Variants in LDB2 observed in about 807,000 individuals in gnomAD.
LDB2 encodes LIM domain binding 2.
A neutral mutation model predicts 44.3 loss-of-function variants in LDB2; 12 were observed. The ratio of observed to expected loss-of-function variants is 0.27; its 90% CI spans 0.17 to 0.44. LDB2 has a LOEUF of 0.44. Ranked by LOEUF, LDB2 falls within the 20% of genes least tolerant of loss-of-function variation. The pLI, the probability that LDB2 is intolerant of heterozygous loss-of-function variation, is 1.00. For synonymous variants in LDB2, 164 were observed against 174.8 expected (o/e 0.94, Z 0.49); for missense variants, 344 against 473.5 (o/e 0.73, Z 2.54).
chr4:16,885,204 T>G (rs1189665735), intron 1 of LDB2, among the ~76,000 whole-genome samples: 16 of 146,922 alleles, frequency 1.1e-4, no homozygotes, highest in Non-Finnish European at 7.5e-5. Context: ...AATGTCGTGG[T>G]GCATGCCTGT....
chr4:16,545,128 C>G (rs557181092), intron 5 of LDB2, among the ~76,000 whole-genome samples: 3 of 151,840 alleles, frequency 2.0e-5, no homozygotes, highest in Non-Finnish European at 2.9e-5. Context: ...CCCTCCCTCC[C>G]GCTCCTTTTC....
chr4:16,610,661 G>GAA (rs376501468), intron 2 of LDB2, among the ~76,000 whole-genome samples: 71 of 135,970 alleles, frequency 5.2e-4, no homozygotes, highest in African/African-American at 1.8e-3. Context: ...CAAGAATAGC[G>GAA]AAAAAAAAAA....
At chr4:16,568,573 T>C (rs919042227) in intron 5 of LDB2, among the ~76,000 whole-genome samples, 1 of 152,252 alleles carries the variant, frequency 6.6e-6, no homozygotes, top group Non-Finnish European at 1.5e-5. Flanking sequence ...CTGTTCTTAA[T>C]TGCAAGCCAG....
chr4:16,751,384 C>A (rs1267069094), intron 2 of LDB2, among the ~76,000 whole-genome samples: 1 of 152,216 alleles, frequency 6.6e-6, no homozygotes. Flanking sequence ...TCCATTATCT[C>A]ATGCGATCAT....
chr4:16,774,652 T>C (rs1298097491), intron 1 of LDB2, among the ~76,000 whole-genome samples: 2 of 152,194 alleles, frequency 1.3e-5, no homozygotes, highest in East Asian at 3.8e-4. Flanking sequence ...TCAGAAAGGT[T>C]ACTTAATTTT....
chr4:16,503,703 GATGAAGA>G (rs1227856137), intron 7 of LDB2, among the ~76,000 whole-genome samples: 1 of 152,202 alleles, frequency 6.6e-6, no homozygotes, highest in East Asian at 1.9e-4. Flanking sequence ...ATAAAGGGAA[GATGAAGA>G]ACGCTAATTA....
chr4:16,638,826 A>T (rs1352636379), intron 2 of LDB2, among the ~76,000 whole-genome samples: 1 of 149,786 alleles, frequency 6.7e-6, no homozygotes, highest in African/African-American at 2.5e-5. Context: ...AGATTGATAC[A>T]CTAAGACAAG....
chr4:16,860,376 C>T lies in LDB2; in HGVS notation c.132+37978G>A, dbSNP rs537077215. ...ACACAGACACACACACATACACACACACCCACAAAGTGGTCCTGTATCAGA... is the reference window on the plus strand; with the variant it reads ...ACACAGACACACACACATACACACATACCCACAAAGTGGTCCTGTATCAGA... On this transcript the variant is annotated intron_variant, in intron 1 of 7. Coordinates refer to ENST00000304523, the MANE Select transcript of LDB2 (RefSeq NM_001290.5). Among the ~76,000 whole-genome samples, 10 of 152,322 alleles carry T rather than the reference C, an allele frequency of 6.6e-5. 1 individual carries two copies. In the South Asian group the frequency reaches 1.7e-3, roughly 25 times the overall value.
intron 1 of LDB2, among the ~76,000 whole-genome samples, chr4:16,775,708 C>T (rs1771740184): frequency 6.6e-6 from 1 of 152,126 alleles, no homozygotes; most frequent in African/African-American, 2.4e-5. Context: ...GGATTAAAAA[C>T]AGCATGCCCT....
rs1237663799 is a variant in LDB2, at chr4:16,742,091, T to C, written c.235+17067A>G. 1.7e-4 allele frequency among the ~76,000 whole-genome samples: 24 copies of C among 140,038 alleles called. No individual in the cohort carries two copies. In the East Asian group the frequency reaches 2.1e-3, roughly 12 times the overall value. The allele number at this position is 140,038 out of a possible 152,430, so 91.9% of individuals were successfully genotyped here. The stretch of plus-strand genomic sequence containing the variant: ...TTTCTTTTCTTTTTTTTTTTTTTTT[T>C]TGAGAGTGTCTCACTCTGTTGCCAG... On this transcript the variant is annotated intron_variant, in intron 2 of 7. Transcript: ENST00000304523.
At chr4:16,655,896 CTTT>C (rs747097456) in intron 2 of LDB2, among the ~76,000 whole-genome samples, 10 of 93,316 alleles carry the variant, frequency 1.1e-4, no homozygotes, top group East Asian at 5.8e-4. Context: ...TGCAAGAAAA[CTTT>C]TTTTTTTTTT....
At chr4:16,764,228 C>A (rs951889752) in intron 1 of LDB2, among the ~76,000 whole-genome samples, 1 of 152,122 alleles carries the variant, frequency 6.6e-6, no homozygotes, top group African/African-American at 2.4e-5. Context: ...ATTTCCCCCT[C>A]CAACCTTTCG....
At chr4:16,731,121 AAAG>A (rs1760659534) in intron 2 of LDB2, among the ~76,000 whole-genome samples, 10 of 152,110 alleles carry the variant, frequency 6.6e-5, no homozygotes, top group Admixed American at 6.5e-4. Flanking sequence ...TACATAGGAG[AAAG>A]AAGGAGTCGA....
intron 1 of LDB2, among the ~76,000 whole-genome samples, chr4:16,823,162 T>C (rs1013108497): frequency 1.3e-5 from 2 of 152,232 alleles, no homozygotes; most frequent in Non-Finnish European, 2.9e-5. Flanking sequence ...ACTGTCACCA[T>C]AGAATTTGAT....
At chr4:16,796,690 C>T (rs557829421) in intron 1 of LDB2, among the ~76,000 whole-genome samples, 1 of 152,092 alleles carries the variant, frequency 6.6e-6, no homozygotes, top group Non-Finnish European at 1.5e-5. Flanking sequence ...GTGGAGAAAC[C>T]TGACAAATAC....
At chr4:16,821,783 A>T (rs1782129949) in intron 1 of LDB2, among the ~76,000 whole-genome samples, 1 of 145,432 alleles carries the variant, frequency 6.9e-6, no homozygotes, top group Non-Finnish European at 1.5e-5. Flanking sequence ...AGGAATTTAT[A>T]AGGTAAAGCC....
chr4:16,501,641 G>A lies in LDB2; in HGVS notation c.*1002C>T, dbSNP rs1272132176. On this transcript the variant is annotated 3_prime_UTR_variant, in exon 8 of 8. Coordinates refer to ENST00000304523, the MANE Select transcript of LDB2 (RefSeq NM_001290.5). ...ACGGAGCCACTGTGCCTTTACATGT[G>A]TGGAGGAACATATTAATATGCAAAT... 1.3e-5 allele frequency: 2 copies of A among 152,588 alleles called. No homozygotes were observed. Among genetic ancestry groups the A allele is most frequent in the Admixed American group, 1.3e-4 (2 of 15,276 alleles). The allele number at this position is 152,588 out of a possible 1,614,324, so 9.5% of individuals were successfully genotyped here.
At chr4:16,784,276 C>A (rs1039389570) in intron 1 of LDB2, among the ~76,000 whole-genome samples, 1 of 152,172 alleles carries the variant, frequency 6.6e-6, no homozygotes. Context: ...GCCAACCAAG[C>A]TCCTGGAAGT....
At chr4:16,515,813 A>G (rs1339356339) in intron 5 of LDB2, among the ~76,000 whole-genome samples, 1 of 151,952 alleles carries the variant, frequency 6.6e-6, no homozygotes, top group Non-Finnish European at 1.5e-5. Context: ...TTACAAGCTA[A>G]GAAGTCTAGG....
Sources: gnomAD v4.1 joint callset for allele counts (sites outside exome capture counted in the v4.1 genomes callset) on GRCh38, gnomAD v4.1.1 for gene constraint, MANE v1.5 for transcripts, NCBI Gene and HGNC (gene_info 2026-07-23, HGNC 2026-07-21) for gene names.